Variants in PPFIA2 observed in about 807,000 individuals in gnomAD.
The protein encoded by PPFIA2 is liprin-alpha-2.
Under a neutral mutation model 175.5 loss-of-function variants are expected in PPFIA2, and 46 were observed. The ratio of observed to expected loss-of-function variants is 0.26; its 90% CI spans 0.21 to 0.34. PPFIA2 has a LOEUF of 0.34. Ranked by LOEUF, PPFIA2 falls within the 10% of genes least tolerant of loss-of-function variation. The probability of loss-of-function intolerance (pLI) is 1.00; values close to 1 mark genes in which losing one functional copy is unlikely to be tolerated. For synonymous variants in PPFIA2, 568 were observed against 511.4 expected (o/e 1.11, Z -1.49); for missense variants, 1,179 against 1,506.1 (o/e 0.78, Z 3.60).
intron 4 of PPFIA2, among the ~76,000 whole-genome samples, chr12:81,613,680 T>C (rs778149862): frequency 1.3e-5 from 2 of 152,148 alleles, no homozygotes; most frequent in Admixed American, 6.5e-5. Flanking sequence ...ATAATAAGTT[T>C]CCTTAGTGTG....
At chr12:81,526,725 A>C (rs553186827) in intron 4 of PPFIA2, among the ~76,000 whole-genome samples, 74 of 152,296 alleles carry the variant, frequency 4.9e-4, no homozygotes, top group African/African-American at 1.7e-3. Flanking sequence ...TTGATTTGTA[A>C]AGATAGAAGC....
intron 4 of PPFIA2, among the ~76,000 whole-genome samples, chr12:81,505,384 G>A (rs967529263): frequency 6.6e-6 from 1 of 152,112 alleles, no homozygotes; most frequent in East Asian, 1.9e-4. Context: ...GGCTGTTAAT[G>A]CTTCATCTTG....
At chr12:81,661,382 A>G (rs1308567724) in intron 4 of PPFIA2, among the ~76,000 whole-genome samples, 1 of 152,230 alleles carries the variant, frequency 6.6e-6, no homozygotes, top group African/African-American at 2.4e-5. Flanking sequence ...AAACAGAAAA[A>G]GGCAGGGTTT....
intron 10 of PPFIA2, among the ~76,000 whole-genome samples, chr12:81,375,329 C>A (rs2036115666): frequency 6.6e-6 from 1 of 152,116 alleles, no homozygotes; most frequent in South Asian, 2.1e-4. Flanking sequence ...CAAGAGCAGG[C>A]AACCAACCAG....
Position 81,355,322 on chromosome 12 carries a change from AC to A in PPFIA2, c.1774-1984del. Among the ~76,000 whole-genome samples the A allele has an allele frequency of 3.3e-5, 5 of 152,278 alleles. 1 individual carries two copies. The Middle Eastern group carries it at 0.014, about 414-fold the overall frequency. On this transcript the variant is annotated intron_variant, in intron 16 of 32. Transcript: ENST00000549396. Reference sequence around the variant, plus strand: ...AAATATTCAGTAAACCATGCTGTAAACAAATGTGCTGTCATCTAGGCTTTGT... The same window carrying A: ...AAATATTCAGTAAACCATGCTGTAAAAAATGTGCTGTCATCTAGGCTTTGT...
chr12:81,700,904 T>C (rs2076406512), intron 3 of PPFIA2, among the ~76,000 whole-genome samples: 1 of 152,122 alleles, frequency 6.6e-6, no homozygotes. Context: ...TTAAATTTCT[T>C]TTATTTATAT....
intron 7 of PPFIA2, among the ~76,000 whole-genome samples, chr12:81,408,751 A>C (rs2043373329): frequency 6.6e-6 from 1 of 152,232 alleles, no homozygotes. Flanking sequence ...TCAACCACTA[A>C]CATGCAAACT....
At chr12:81,535,381 T>C (rs985705519) in intron 4 of PPFIA2, 4 of 455,230 alleles carry the variant, frequency 8.8e-6, no homozygotes, top group Admixed American at 4.7e-5. Flanking sequence ...TCACCAGCAC[T>C]GGATTTCAGA....
intron 4 of PPFIA2, among the ~76,000 whole-genome samples, chr12:81,469,759 A>C (rs2056407214): frequency 6.6e-6 from 1 of 152,210 alleles, no homozygotes. Context: ...CACCAAATGC[A>C]TATGTTGAAG....
At chr12:81,724,893 A>G (rs2079849095) in intron 3 of PPFIA2, among the ~76,000 whole-genome samples, 1 of 151,058 alleles carries the variant, frequency 6.6e-6, no homozygotes, top group Non-Finnish European at 1.5e-5. Context: ...TAGTTCTTTG[A>G]GCAATCTCCA....
chr12:81,287,326 T>C (rs2043704630), intron 24 of PPFIA2, among the ~76,000 whole-genome samples: 1 of 151,968 alleles, frequency 6.6e-6, no homozygotes, highest in African/African-American at 2.4e-5. Context: ...AATAGATACA[T>C]GCATAGTATC....
intron 4 of PPFIA2, among the ~76,000 whole-genome samples, chr12:81,646,958 A>G (rs893583888): frequency 1.3e-5 from 2 of 152,118 alleles, no homozygotes; most frequent in Admixed American, 1.3e-4. Context: ...TAAAGCAACA[A>G]AATAGTCCAT....
intron 9 of PPFIA2, among the ~76,000 whole-genome samples, chr12:81,378,789 C>T (rs1203599660): frequency 1.3e-5 from 2 of 152,134 alleles, no homozygotes; most frequent in African/African-American, 4.8e-5. Context: ...TGAAGTAGTA[C>T]ATACTTGCTC....
At chr12:81,701,915 TAAAAA>T (rs748051152) in intron 3 of PPFIA2, among the ~76,000 whole-genome samples, 2 of 84,206 alleles carry the variant, frequency 2.4e-5, no homozygotes, top group Admixed American at 1.3e-4. Flanking sequence ...ATGGGAAGAC[TAAAAA>T]AAAAAAAAAA....
chr12:81,290,586 T>C (rs1187430668), intron 24 of PPFIA2, among the ~76,000 whole-genome samples: 1 of 151,730 alleles, frequency 6.6e-6, no homozygotes, highest in Non-Finnish European at 1.5e-5. Flanking sequence ...ATTCCTATAA[T>C]AATAAAGATA....
intron 20 of PPFIA2, 30 bp from the exon 21 acceptor site, chr12:81,339,364 C>T: frequency 2.0e-6 from 3 of 1,526,840 alleles, no homozygotes; most frequent in Non-Finnish European, 2.6e-6. Flanking sequence ...AAAATACATG[C>T]AACATCCACA....
rs565989631 is a variant in PPFIA2 at position 81,638,718 on chromosome 12, C to T, written c.303+38073G>A. On this transcript the variant is annotated intron_variant, in intron 4 of 32. Coordinates refer to ENST00000549396, the MANE Select transcript of PPFIA2 (RefSeq NM_003625.5). ...TTTTTTTTTTTTTGAGACGGAGTCT[C>T]GCTCTGTCGCCCAGGCTGGAGTGCA... 8.2e-3 allele frequency among the ~76,000 whole-genome samples: 887 copies of T among 108,670 alleles called. 5 individuals carry two copies. Among genetic ancestry groups the T allele is most frequent in the African/African-American group, 0.016 (416 of 26,158 alleles). 71.3% of individuals were successfully genotyped at this position (108,670 alleles called of 152,430 possible). A position where few individuals can be genotyped will look rare whatever the true frequency, so the allele number is the denominator to read the frequency against.
chr12:81,732,917 T>C (rs2081110410), intron 3 of PPFIA2, among the ~76,000 whole-genome samples: 1 of 151,384 alleles, frequency 6.6e-6, no homozygotes, highest in South Asian at 2.1e-4. Flanking sequence ...GACCCAAAAT[T>C]AAACACAGTC....
intron 4 of PPFIA2, among the ~76,000 whole-genome samples, chr12:81,628,068 C>G (rs571033538): frequency 6.6e-6 from 1 of 152,200 alleles, no homozygotes; most frequent in South Asian, 2.1e-4. Context: ...TTCATTGATT[C>G]ATGAAGTTGA....
Sources: gnomAD v4.1 joint callset for allele counts (sites outside exome capture counted in the v4.1 genomes callset) on GRCh38, gnomAD v4.1.1 for gene constraint, MANE v1.5 for transcripts, NCBI Gene and HGNC (gene_info 2026-07-23, HGNC 2026-07-21) for gene names.